The following CLCA1 variants were observed in gnomAD, a reference collection of about 807,000 sequenced individuals.
CLCA1 encodes the protein calcium-activated chloride channel regulator 1.
In CLCA1, 59 loss-of-function variants were observed where a neutral mutation model predicts 85.6. The ratio of observed to expected loss-of-function variants is 0.69; its 90% CI spans 0.56 to 0.86. The LOEUF (loss-of-function observed/expected upper bound fraction) is 0.86. CLCA1 is among the 40% of genes least tolerant of loss of function. The probability of loss-of-function intolerance (pLI) is 0.00; values close to 1 mark genes in which losing one functional copy is unlikely to be tolerated. For synonymous variants in CLCA1, 396 were observed against 398.3 expected (o/e 0.99, Z 0.07); for missense variants, 1,022 against 1,101.4 (o/e 0.93, Z 1.02).
At chr1:86,469,858 G>C (rs1647449866) in intron 1 of CLCA1, among the ~76,000 whole-genome samples, 1 of 152,140 alleles carries the variant, frequency 6.6e-6, no homozygotes, top group Non-Finnish European at 1.5e-5. Context: ...GTATTAGTCT[G>C]TAAAATGGGA....
intron 4 of CLCA1, among the ~76,000 whole-genome samples, chr1:86,480,183 T>C (rs150766600): frequency 1.3e-5 from 2 of 152,134 alleles, no homozygotes; most frequent in African/African-American, 4.8e-5. Context: ...GAATAATAAA[T>C]GTGGCTACAT....
intron 4 of CLCA1, among the ~76,000 whole-genome samples, chr1:86,480,532 A>G (rs1171345283): frequency 6.6e-6 from 1 of 152,120 alleles, no homozygotes; most frequent in African/African-American, 2.4e-5. Flanking sequence ...CTGAGGTGGA[A>G]GGATCACCTG....
intron 1 of CLCA1, among the ~76,000 whole-genome samples, chr1:86,470,026 C>T (rs2101725247): frequency 6.6e-6 from 1 of 152,250 alleles, no homozygotes; most frequent in East Asian, 1.9e-4. Context: ...TAAAAAATAA[C>T]TTTAAAAATG....
chr1:86,498,429 C>T, intron 12 of CLCA1, 143 bp from the exon 13 acceptor site: 3 of 725,696 alleles, frequency 4.1e-6, no homozygotes, highest in Non-Finnish European at 6.4e-6. Flanking sequence ...GTCTTGTCTC[C>T]AAATATTTAA....
At position 86,495,687 on chromosome 1, in the gene CLCA1, G is replaced by A. The variant is rs771951031; in HGVS notation, c.2113+12G>A. ...CTGGATTGAGAATGGTAAGTAATTT[G>A]TAATAACATACCTGGCTTGTGCAAA... On this transcript the variant is annotated intron_variant, in intron 12 of 13. Coordinates refer to ENST00000394711, the MANE Select transcript of CLCA1 (RefSeq NM_001285.4). 2 of 1,599,696 alleles carry A rather than the reference G, an allele frequency of 1.3e-6. No homozygotes were observed. The highest frequency in any genetic ancestry group is 3.4e-5 in the Admixed American group (2 of 58,746).
Position 86,498,625 on chromosome 1 carries a change from C to A in CLCA1, c.2167C>A (p.His723Asn), listed in dbSNP as rs763099377. Residue 723 changes from histidine to asparagine, a missense_variant, in exon 13 of 14, where the codon CAC (histidine) becomes AAC (asparagine). Physicochemically the swap from His to Asn is moderately conservative, Grantham distance 68. Coordinates refer to ENST00000394711, the MANE Select transcript of CLCA1 (RefSeq NM_001285.4). The stretch of plus-strand genomic sequence containing the variant: ...TGAAATTAATAAGGATGATGTTCAA[C>A]ACAAGCAAGTGTGTTTCAGCAGAAC... The part of the protein sequence containing the change: ...RPEINKDDVQ[H>N]KQVCFSRTSS... The A allele has an allele frequency of 6.2e-7, 1 of 1,613,926 alleles. No individual in the cohort carries two copies.
chr1:86,492,701 C>T (rs1648169059), intron 9 of CLCA1, among the ~76,000 whole-genome samples: 1 of 152,226 alleles, frequency 6.6e-6, no homozygotes, highest in Non-Finnish European at 1.5e-5. Flanking sequence ...GCAGCTCCCT[C>T]ATTCTATTCC....
rs201770615 is a variant in CLCA1, at chr1:86,494,158, T to C, written c.1681-29T>C. ...GGTCTGTGTCACCTGAAGTTATTCA[T>C]TGGAAATGTTTACATGTGTTTTGGT... is the stretch of plus-strand genomic sequence containing the variant. On this transcript the variant is annotated intron_variant, in intron 10 of 13. Coordinates refer to ENST00000394711, the MANE Select transcript of CLCA1 (RefSeq NM_001285.4). 8.3e-5 allele frequency: 134 copies of C among 1,611,216 alleles called. No individual in the cohort carries two copies. In the Middle Eastern group the frequency reaches 2.1e-3, roughly 26 times the overall value.
rs1471124382 is a variant in CLCA1, at chr1:86,489,320, A to G, written c.1357+150A>G. 3 of 724,556 alleles carry G rather than the reference A, an allele frequency of 4.1e-6. No individual in the cohort carries two copies. In the African/African-American group the frequency reaches 5.4e-5, roughly 13 times the overall value. The allele number at this position is 724,556 out of a possible 1,614,324, so 44.9% of individuals were successfully genotyped here. A position where few individuals can be genotyped will look rare whatever the true frequency, so the allele number is the denominator to read the frequency against. On this transcript the variant is annotated intron_variant, in intron 8 of 13. Transcript: ENST00000394711. ...CACCCTTACCCCTGAATGACTGTTT[A>G]AGTGGACTCTGCCCATTTATTTTAA...
chr1:86,486,017 G>GGA (rs35497869), intron 6 of CLCA1, among the ~76,000 whole-genome samples: 4,766 of 147,352 alleles, frequency 0.032, 103 homozygotes, highest in Middle Eastern at 0.042. Context: ...CATGGCAGCA[G>GGA]GAGAGAGAGA....
At chr1:86,493,736 A>T in intron 10 of CLCA1, 137 bp downstream of exon 10, 1 of 680,422 alleles carries the variant, frequency 1.5e-6, no homozygotes, top group Non-Finnish European at 2.5e-6. Flanking sequence ...ACGAGGAAAA[A>T]AAATCTCCAT....
At chr1:86,496,598 G>A (rs1225573098) in intron 12 of CLCA1, among the ~76,000 whole-genome samples, 3 of 152,174 alleles carry the variant, frequency 2.0e-5, no homozygotes, top group Non-Finnish European at 4.4e-5. Context: ...GTTGGTGTGC[G>A]GGAAGGAGAA....
At chr1:86,472,390 A>C (rs5744318) in intron 1 of CLCA1, among the ~76,000 whole-genome samples, 1,972 of 152,226 alleles carry the variant, frequency 0.013, 52 homozygotes, top group African/African-American at 0.045. Context: ...CTCTGCAGGC[A>C]CTGACTGCCC....
chr1:86,476,347 C>T (rs544080665), intron 3 of CLCA1, 101 bp from the exon 4 acceptor site: 3 of 599,394 alleles, frequency 5.0e-6, no homozygotes, highest in South Asian at 4.9e-5. Flanking sequence ...AAAAAATTAA[C>T]ACAGCAAAGC....
Position 86,499,745 on chromosome 1 carries a change from C to G in CLCA1, c.2445C>G (p.Ile815Met). 1 of 1,611,992 alleles carries G rather than the reference C, an allele frequency of 6.2e-7. No individual in the cohort carries two copies. Among genetic ancestry groups the G allele is most frequent in the Non-Finnish European group, 8.5e-7 (1 of 1,178,130 alleles). ...TTCAAGTGAATACTACTGCTCTCAT[C>G]CCAAAGGAAGCCAACTCTGAGGAAG... Reference protein sequence around the residue: ...ESLQVNTTALIPKEANSEEVF... With the variant: ...ESLQVNTTALMPKEANSEEVF... The change falls in exon 14 of 14, where the codon ATC becomes ATG. Residue 815 changes from isoleucine to methionine, a missense_variant. By Grantham distance (10) the Ile-to-Met change is conservative. Transcript: ENST00000394711.
rs1335564065 is a variant in CLCA1 at position 86,485,470 on chromosome 1, T to C, written c.863T>C (p.Met288Thr). The C allele has an allele frequency of 1.2e-6, 2 of 1,614,044 alleles. No homozygotes were observed. The highest frequency in any genetic ancestry group is 1.7e-6 in the Non-Finnish European group (2 of 1,180,032). The change falls in exon 6 of 14, where the codon ATG (methionine) becomes ACG (threonine). Residue 288 changes from methionine to threonine, a missense_variant. Coordinates refer to ENST00000394711, the MANE Select transcript of CLCA1 (RefSeq NM_001285.4). ...GAGGACTTTAAGAAAACCACTCCTA[T>C]GACAACACAGCCACCAAATCCCACC... ...DSEDFKKTTP[M>T]TTQPPNPTFS...
intron 1 of CLCA1, among the ~76,000 whole-genome samples, chr1:86,472,274 A>C (rs1647523855): frequency 6.6e-6 from 1 of 152,170 alleles, no homozygotes; most frequent in African/African-American, 2.4e-5. Flanking sequence ...TGCCAAGTCC[A>C]GTGATCAGTT....
At chr1:86,470,350 A>G (rs1647468389) in intron 1 of CLCA1, among the ~76,000 whole-genome samples, 1 of 152,182 alleles carries the variant, frequency 6.6e-6, no homozygotes, top group African/African-American at 2.4e-5. Flanking sequence ...GACCTCTTGA[A>G]TCTCTCAATC....
rs953419479 is a variant in CLCA1 at position 86,493,494 on chromosome 1, G to T, written c.1575G>T (p.Gln525His). ...TGTTTCTTATCACCTGGACAATGCA[G>T]CCTCCCCAAATCCTTCTCTGGGATC... The part of the protein sequence containing the change: ...DTLFLITWTM[Q>H]PPQILLWDPS... Residue 525 changes from glutamine to histidine, a missense_variant, in exon 10 of 14, where the codon CAG (glutamine) becomes CAT (histidine). Physicochemically the swap from Gln to His is conservative, Grantham distance 24. Coordinates refer to ENST00000394711, the MANE Select transcript of CLCA1 (RefSeq NM_001285.4). 6.2e-7 allele frequency: 1 copy of T among 1,613,962 alleles called. No individual in the cohort carries two copies. The highest frequency in any genetic ancestry group is 1.3e-5 in the African/African-American group (1 of 74,916).
Sources: gnomAD v4.1 joint callset for allele counts (sites outside exome capture counted in the v4.1 genomes callset) on GRCh38, gnomAD v4.1.1 for gene constraint, MANE v1.5 for transcripts, NCBI Gene and HGNC (gene_info 2026-07-23, HGNC 2026-07-21) for gene names.